Variants in TMLHE observed in about 807,000 individuals in gnomAD.
The protein encoded by TMLHE is trimethyllysine dioxygenase, mitochondrial.
In TMLHE, 18 loss-of-function variants were observed where a neutral mutation model predicts 25.7. That is an observed-to-expected ratio of 0.70 (90% CI 0.48 to 1.04). The LOEUF is 1.04. TMLHE is among the 50% of genes least tolerant of loss of function. The probability of loss-of-function intolerance (pLI) is 0.00; values close to 1 mark genes in which losing one functional copy is unlikely to be tolerated. For missense variants in TMLHE, 236 were observed against 259.0 expected, an observed-to-expected ratio of 0.91 and a Z score of 0.61; for synonymous variants, 105 against 97.0, an observed-to-expected ratio of 1.08 and a Z score of -0.49.
At chrX:155,585,170 C>T (rs1221444015) in intron 1 of TMLHE, among the ~76,000 whole-genome samples, 2 of 111,647 alleles carry the variant, frequency 1.8e-5, no homozygotes, top group African/African-American at 6.5e-5. Flanking sequence ...AACATATAGA[C>T]TGGCTGAATG....
chrX:155,603,876 C>T (rs781811472), intron 1 of TMLHE, among the ~76,000 whole-genome samples: 21 of 111,429 alleles, frequency 1.9e-4, no homozygotes, highest in Non-Finnish European at 3.2e-4. Flanking sequence ...TTAGATACAA[C>T]ATCAAAAAAC....
At chrX:155,576,189 A>T (rs111400474) in intron 1 of TMLHE, among the ~76,000 whole-genome samples, 145 of 111,850 alleles carry the variant, frequency 1.3e-3, no homozygotes, top group African/African-American at 4.6e-3. Context: ...ATGCACAAAA[A>T]TCAGTAGCAT....
At chrX:155,585,031 A>T (rs1297171180) in intron 1 of TMLHE, among the ~76,000 whole-genome samples, 3 of 111,995 alleles carry the variant, frequency 2.7e-5, no homozygotes, top group Non-Finnish European at 5.6e-5. Flanking sequence ...CAAAATAACA[A>T]ACAATAAGAG....
chrX:155,513,837 A>C, intron 4 of TMLHE, 149 bp downstream of exon 4: 1 of 526,956 alleles, frequency 1.9e-6, no homozygotes, highest in Non-Finnish European at 3.0e-6. Context: ...GACCTCAAAT[A>C]AAGTACTGCA....
At chrX:155,539,227 C>T (rs1381345229) in intron 2 of TMLHE, among the ~76,000 whole-genome samples, 3 of 111,664 alleles carry the variant, frequency 2.7e-5, no homozygotes, top group Non-Finnish European at 5.7e-5. Flanking sequence ...AGATTGGTTT[C>T]TGTCTTGCCT....
rs1398378914 is a variant in TMLHE at position 155,583,946 on chromosome X, A to G, written c.-2+28846T>C. On this transcript the variant is annotated intron_variant, in intron 1 of 7. Transcript: ENST00000334398. ...ACAAAACTACACTTGTACCTCATAT[A>G]TTTATACAAATAAAAAGAGGAAAAG... Among the ~76,000 whole-genome samples, 4 of 111,554 alleles carry G rather than the reference A, an allele frequency of 3.6e-5. No individual in the cohort carries two copies. In the Admixed American group the frequency reaches 3.8e-4, roughly 11 times the overall value.
At chrX:155,558,606 T>C (rs910145888) in intron 1 of TMLHE, among the ~76,000 whole-genome samples, 2 of 111,710 alleles carry the variant, frequency 1.8e-5, no homozygotes, top group Non-Finnish European at 3.8e-5. Context: ...CTAAAATGTT[T>C]GCTTAATCTT....
At chrX:155,574,767 T>G (rs2124464456) in intron 1 of TMLHE, among the ~76,000 whole-genome samples, 1 of 110,753 alleles carries the variant, frequency 9.0e-6, no homozygotes, top group Non-Finnish European at 1.9e-5. Flanking sequence ...ACAGAAATTA[T>G]AAAAAAAGAA....
chrX:155,585,082 C>T (rs1424653791), intron 1 of TMLHE, among the ~76,000 whole-genome samples: 1 of 111,189 alleles, frequency 9.0e-6, no homozygotes, highest in Non-Finnish European at 1.9e-5. Flanking sequence ...AACCAGAAAA[C>T]AATTAACAAT....
At position 155,514,279 on chromosome X, in the gene TMLHE, A is replaced by C. The variant is rs781933167; in HGVS notation, c.359-14T>G. On this transcript the variant is annotated splice_polypyrimidine_tract_variant and intron_variant, in intron 3 of 7. Coordinates refer to ENST00000334398, the MANE Select transcript of TMLHE (RefSeq NM_018196.4). Reference sequence around the variant, plus strand: ...GACCATCTGGCCCTTTTAAGGGGAAAAATAAAAGGCACTATAATAATTACA... The same window carrying C: ...GACCATCTGGCCCTTTTAAGGGGAACAATAAAAGGCACTATAATAATTACA... 1.7e-6 allele frequency: 2 copies of C among 1,183,812 alleles called. No homozygotes were observed. The highest frequency in any genetic ancestry group is 2.3e-6 in the Non-Finnish European group (2 of 880,261).
intron 1 of TMLHE, among the ~76,000 whole-genome samples, chrX:155,569,485 C>T (rs1158442515): frequency 7.1e-5 from 4 of 56,313 alleles, no homozygotes; most frequent in East Asian, 7.3e-4. Flanking sequence ...ATACAGAGAA[C>T]GCCACAAAGA....
At chrX:155,559,885 C>G (rs1205320824) in intron 1 of TMLHE, among the ~76,000 whole-genome samples, 5 of 112,168 alleles carry the variant, frequency 4.5e-5, no homozygotes, top group African/African-American at 1.6e-4. Context: ...CTTCTTAAAA[C>G]ACTTTCATCA....
At chrX:155,598,593 C>A (rs1479563682) in intron 1 of TMLHE, among the ~76,000 whole-genome samples, 2 of 107,437 alleles carry the variant, frequency 1.9e-5, no homozygotes, top group African/African-American at 6.8e-5. Context: ...AGGAGATATA[C>A]CTAACACTAA....
In TMLHE at chrX:155,581,327, A is replaced by C. The variant is rs782783008; in HGVS notation, c.-2+31465T>G. Reference sequence around the variant, plus strand: ...TAGTGTTGGAAGTTCTGGCCAGGGCAATCAGGCAGGAGAAAGAAATAAAAG... The same window carrying C: ...TAGTGTTGGAAGTTCTGGCCAGGGCCATCAGGCAGGAGAAAGAAATAAAAG... On this transcript the variant is annotated intron_variant, in intron 1 of 7. Transcript: ENST00000334398. 4.5e-5 allele frequency among the ~76,000 whole-genome samples: 5 copies of C among 111,779 alleles called. No individual in the cohort carries two copies. In the South Asian group the frequency reaches 1.9e-3, roughly 42 times the overall value.
chrX:155,508,786 G>A (rs1286082405), intron 5 of TMLHE, among the ~76,000 whole-genome samples: 1 of 110,712 alleles, frequency 9.0e-6, no homozygotes, highest in African/African-American at 3.3e-5. Flanking sequence ...TTGCGGTGAG[G>A]GGTGGGTTGG....
intron 1 of TMLHE, among the ~76,000 whole-genome samples, chrX:155,551,751 C>T (rs913060713): frequency 1.8e-5 from 2 of 110,105 alleles, no homozygotes; most frequent in African/African-American, 3.4e-5. Context: ...CAGAAAACAC[C>T]AGTATCTGGG....
chrX:155,532,098 C>G (rs1557337112), intron 2 of TMLHE, among the ~76,000 whole-genome samples: 1 of 111,951 alleles, frequency 8.9e-6, no homozygotes, highest in African/African-American at 3.3e-5. Context: ...ACACAAAATA[C>G]AAACAAATAC....
intron 1 of TMLHE, among the ~76,000 whole-genome samples, chrX:155,596,579 C>T (rs1372478637): frequency 8.9e-6 from 1 of 111,749 alleles, no homozygotes; most frequent in Non-Finnish European, 1.9e-5. Context: ...TTAAAGAATT[C>T]CCCCATGTGT....
chrX:155,589,153 A>AAAG (rs1403121849), intron 1 of TMLHE, among the ~76,000 whole-genome samples: 1 of 112,224 alleles, frequency 8.9e-6, no homozygotes, highest in African/African-American at 3.2e-5. Flanking sequence ...TCACCATAAA[A>AAAG]AAGAATGAAA....
Sources: gnomAD v4.1 joint callset for allele counts (sites outside exome capture counted in the v4.1 genomes callset) on GRCh38, gnomAD v4.1.1 for gene constraint, MANE v1.5 for transcripts, NCBI Gene and HGNC (gene_info 2026-07-23, HGNC 2026-07-21) for gene names.